The following AUTS2 variants were observed in gnomAD, a reference collection of about 807,000 sequenced individuals.
AUTS2 encodes autism susceptibility gene 2 protein.
AUTS2 carries 17 observed loss-of-function variants against 112.4 expected under a neutral mutation model. The observed-to-expected ratio is 0.15, with a 90% CI of 0.10 to 0.23. The LOEUF (loss-of-function observed/expected upper bound fraction) is 0.23, where lower values mean the gene tolerates loss of function less well. Ranked by LOEUF, AUTS2 falls within the 10% of genes least tolerant of loss-of-function variation. The pLI is 1.00. For synonymous variants in AUTS2, 751 were observed against 702.7 expected, an observed-to-expected ratio of 1.07 and a Z score of -1.09; for missense variants, 1,510 against 1,701.6, an observed-to-expected ratio of 0.89 and a Z score of 1.98.
At position 69,834,985 on chromosome 7, in the gene AUTS2, G is replaced by T. The variant is rs757320817; in HGVS notation, c.310-64301G>T. 2.6e-5 allele frequency among the ~76,000 whole-genome samples: 4 copies of T among 151,404 alleles called. No homozygotes were observed. In the South Asian group the frequency reaches 6.3e-4, roughly 24 times the overall value. On this transcript the variant is annotated intron_variant, in intron 1 of 18. Coordinates refer to ENST00000342771, the MANE Select transcript of AUTS2 (RefSeq NM_015570.4). ...TTTCTCTGTACTCCATGCATCTGCCGCCTGTCTGCTTGCTTGGTTTTTCTT... is the reference window on the plus strand; with the variant it reads ...TTTCTCTGTACTCCATGCATCTGCCTCCTGTCTGCTTGCTTGGTTTTTCTT...
chr7:70,012,367 G>A (rs973955283), intron 2 of AUTS2, among the ~76,000 whole-genome samples: 2 of 152,148 alleles, frequency 1.3e-5, no homozygotes, highest in African/African-American at 4.8e-5. Flanking sequence ...TGGTAAATAT[G>A]TCAGTTCATT....
intron 1 of AUTS2, among the ~76,000 whole-genome samples, chr7:69,610,027 G>A (rs999421864): frequency 3.9e-5 from 6 of 152,246 alleles, no homozygotes; most frequent in Non-Finnish European, 8.8e-5. Flanking sequence ...AAAAGACATT[G>A]ATGAATCTTC....
intron 2 of AUTS2, among the ~76,000 whole-genome samples, chr7:70,065,502 C>T (rs1261928806): frequency 2.0e-5 from 3 of 151,998 alleles, no homozygotes; most frequent in African/African-American, 4.8e-5. Context: ...AAGACCAGCC[C>T]GAGTAACATG....
At chr7:70,122,841 A>G (rs962985864) in intron 3 of AUTS2, among the ~76,000 whole-genome samples, 1 of 149,490 alleles carries the variant, frequency 6.7e-6, no homozygotes, top group South Asian at 2.1e-4. Flanking sequence ...CACTATGGCA[A>G]TCTGAAATCT....
intron 1 of AUTS2, among the ~76,000 whole-genome samples, chr7:69,703,459 G>A (rs1797913795): frequency 1.3e-5 from 2 of 152,132 alleles, no homozygotes; most frequent in Admixed American, 1.3e-4. Context: ...GAAAAAAATT[G>A]ATTTGTCACT....
At chr7:70,701,818 G>A (rs1181868312) in intron 6 of AUTS2, among the ~76,000 whole-genome samples, 2 of 152,214 alleles carry the variant, frequency 1.3e-5, no homozygotes, top group African/African-American at 4.8e-5. Context: ...GGATGTTCAT[G>A]TGAATTTTAT....
intron 4 of AUTS2, among the ~76,000 whole-genome samples, chr7:70,214,644 T>C (rs1046412524): frequency 2.0e-5 from 3 of 152,202 alleles, no homozygotes; most frequent in Non-Finnish European, 4.4e-5. Flanking sequence ...TGGTCTAATG[T>C]GTAAAAATTA....
chr7:70,785,990 G>C lies in AUTS2; in HGVS notation c.2260G>C (p.Ala754Pro), dbSNP rs905999697. 3.1e-6 allele frequency: 5 copies of C among 1,614,052 alleles called. No homozygotes were observed. In the African/African-American group the frequency reaches 6.7e-5, roughly 22 times the overall value. ...TCGGCCGTCTACATTCACAGGCCTA[G>C]CAGCAGTTGGTGGCAATGCCTTCGG... ...FNRPSTFTGL[A>P]AVGGNAFGGL... is the part of the protein sequence containing the mutation. Residue 754 changes from alanine to proline, a missense_variant, in exon 17 of 19, where the codon GCA (alanine) becomes CCA (proline). This residue lies in a region of AUTS2 where 788 missense variants were observed against 797.6 expected (regional missense o/e 0.99). Coordinates refer to ENST00000342771, the MANE Select transcript of AUTS2 (RefSeq NM_015570.4).
At chr7:70,151,340 C>T (rs564123530) in intron 4 of AUTS2, among the ~76,000 whole-genome samples, 1 of 152,266 alleles carries the variant, frequency 6.6e-6, no homozygotes, top group African/African-American at 2.4e-5. Context: ...AGGAACAGTG[C>T]TGATTCTCAC....
At chr7:70,365,146 A>C (rs1040186844) in intron 4 of AUTS2, among the ~76,000 whole-genome samples, 1 of 152,242 alleles carries the variant, frequency 6.6e-6, no homozygotes, top group African/African-American at 2.4e-5. Flanking sequence ...TATTTGGTAA[A>C]GGAATAATTG....
intron 1 of AUTS2, among the ~76,000 whole-genome samples, chr7:69,785,973 G>A (rs1789353016): frequency 6.6e-6 from 1 of 152,154 alleles, no homozygotes; most frequent in African/African-American, 2.4e-5. Flanking sequence ...TGGGATTACA[G>A]GTGCCCGCCA....
intron 2 of AUTS2, among the ~76,000 whole-genome samples, chr7:70,099,019 AT>A (rs1364536650): frequency 6.6e-6 from 1 of 151,622 alleles, no homozygotes; most frequent in Non-Finnish European, 1.5e-5. Context: ...GTTTTTTCTT[AT>A]CCCCAGAAGT....
chr7:70,434,978 C>G (rs1231807750), intron 4 of AUTS2, among the ~76,000 whole-genome samples: 1 of 152,032 alleles, frequency 6.6e-6, no homozygotes, highest in Non-Finnish European at 1.5e-5. Context: ...CATGAGGATC[C>G]CAAAGACTGG....
chr7:70,141,469 A>G (rs1806858656), intron 4 of AUTS2, among the ~76,000 whole-genome samples: 1 of 152,238 alleles, frequency 6.6e-6, no homozygotes, highest in Admixed American at 6.5e-5. Context: ...CTTAAAATCT[A>G]GGACATTACC....
chr7:70,007,260 C>A (rs868230044), intron 2 of AUTS2, among the ~76,000 whole-genome samples: 2 of 152,012 alleles, frequency 1.3e-5, no homozygotes, highest in Non-Finnish European at 2.9e-5. Flanking sequence ...CCTTTCTGTC[C>A]CCCCCTAAAT....
chr7:70,059,015 A>G (rs1433087427), intron 2 of AUTS2, among the ~76,000 whole-genome samples: 2 of 152,232 alleles, frequency 1.3e-5, no homozygotes, highest in Non-Finnish European at 2.9e-5. Flanking sequence ...TGGTATTGGC[A>G]AAACATAATC....
At chr7:70,639,643 A>G (rs1382286058) in intron 5 of AUTS2, among the ~76,000 whole-genome samples, 1 of 133,620 alleles carries the variant, frequency 7.5e-6, no homozygotes, top group East Asian at 2.3e-4. Context: ...AAAATAGGGA[A>G]TCAGTCATCC....
intron 6 of AUTS2, among the ~76,000 whole-genome samples, chr7:70,715,998 A>C (rs1490834936): frequency 6.6e-6 from 1 of 152,230 alleles, no homozygotes; most frequent in African/African-American, 2.4e-5. Context: ...TATCCTGAGA[A>C]TCTTAAGTGA....
chr7:69,738,451 G>A (rs182462343), intron 1 of AUTS2, among the ~76,000 whole-genome samples: 1 of 152,284 alleles, frequency 6.6e-6, no homozygotes, highest in East Asian at 1.9e-4. Flanking sequence ...GAGTCTTGTG[G>A]TTAGTCAGCT....
Sources: allele counts gnomAD v4.1 joint callset (sites outside exome capture counted in the v4.1 genomes callset), GRCh38; gene constraint gnomAD v4.1.1; regional missense constraint gnomAD v4.1.1; transcripts MANE v1.5; gene names NCBI Gene and HGNC (gene_info 2026-07-23, HGNC 2026-07-21).